ZNF44: variants seen among roughly 807,000 people sequenced by gnomAD.
ZNF44 encodes the protein zinc finger protein 44.
Under a neutral mutation model 11.7 loss-of-function variants are expected in ZNF44, and 9 were observed. The observed-to-expected ratio is 0.77, with a 90% confidence interval of 0.46 to 1.35. ZNF44 has a LOEUF of 1.35. ZNF44 is among the 40% of genes most tolerant of loss of function. The pLI is 0.00. For missense variants in ZNF44, 696 were observed against 743.1 expected (o/e 0.94, Z 0.74); for synonymous variants, 224 against 242.7 (o/e 0.92, Z 0.72).
At chr19:12,228,790 G>T (rs547312727) in intron 3 of ZNF44, among the ~76,000 whole-genome samples, 29 of 152,184 alleles carry the variant, frequency 1.9e-4, no homozygotes, top group African/African-American at 5.5e-4. Flanking sequence ...TTAGAAGTTA[G>T]GATATTAAAT....
chr19:12,292,590 C>A (rs956620097), intron 1 of ZNF44, among the ~76,000 whole-genome samples: 6 of 152,118 alleles, frequency 3.9e-5, no homozygotes, highest in African/African-American at 1.4e-4. Flanking sequence ...ATCCGCCAGC[C>A]CCACGGTGCT....
intron 5 of ZNF44, chr19:12,260,550 C>T: frequency 1.2e-6 from 1 of 819,086 alleles, no homozygotes; most frequent in African/African-American, 1.7e-5. Context: ...CCCCTGCCCC[C>T]AAAGCAATAA....
chr19:12,243,674 A>G (rs1916691233), downstream of ZNF44, among the ~76,000 whole-genome samples: 1 of 152,132 alleles, frequency 6.6e-6, no homozygotes, highest in Admixed American at 6.5e-5. Context: ...CTTTGGTCAT[A>G]TATGCATATA....
At chr19:12,238,616 G>C (rs1486014547), upstream of ZNF44, among the ~76,000 whole-genome samples, 4 of 96,382 alleles carry the variant, frequency 4.2e-5, no homozygotes, top group African/African-American at 1.8e-4. Flanking sequence ...AACAGAGAGA[G>C]ACTGTCTCAA....
intron 3 of ZNF44, among the ~76,000 whole-genome samples, chr19:12,228,103 T>G (rs2145671756): frequency 1.3e-5 from 2 of 152,230 alleles, no homozygotes; most frequent in South Asian, 4.1e-4. Context: ...CTTTAGCCAA[T>G]ATGTTTACAC....
rs1375690258 is a variant in ZNF44, at chr19:12,275,814, C to A, written c.130+142G>T. 8.5e-6 allele frequency: 9 copies of A among 1,064,876 alleles called. No individual in the cohort carries two copies. The East Asian group carries it at 2.8e-4, about 33-fold the overall frequency. 66.0% of individuals were successfully genotyped at this position (1,064,876 alleles called of 1,614,324 possible). On this transcript the variant is annotated intron_variant, in intron 2 of 3. Coordinates refer to ENST00000355684, the MANE Select transcript of ZNF44 (RefSeq NM_016264.4). ...CAAAAGATTATATGAGGACATACAA[C>A]AGGTTGGGGCCTGGCACTTCACCCT... is the stretch of plus-strand genomic sequence containing the variant.
At chr19:12,229,399 C>G (rs980802011) in intron 3 of ZNF44, among the ~76,000 whole-genome samples, 2 of 152,198 alleles carry the variant, frequency 1.3e-5, no homozygotes, top group Non-Finnish European at 2.9e-5. Context: ...ATTTGTGGTG[C>G]CTTTTCTGTT....
At chr19:12,248,720 G>T in intron 7 of ZNF44, 1 of 1,113,380 alleles carries the variant, frequency 9.0e-7, no homozygotes, top group South Asian at 1.6e-5. Flanking sequence ...ATTTTTTAAA[G>T]ATTTTCTCTT....
At chr19:12,271,579 T>A (rs1966949298), downstream of ZNF44, among the ~76,000 whole-genome samples, 1 of 152,226 alleles carries the variant, frequency 6.6e-6, no homozygotes, top group African/African-American at 2.4e-5. Flanking sequence ...ATCATTGTCA[T>A]AACCATCGTA....
intron 5 of ZNF44, among the ~76,000 whole-genome samples, chr19:12,265,850 G>C (rs1271322259): frequency 2.0e-5 from 3 of 152,212 alleles, no homozygotes; most frequent in Non-Finnish European, 2.9e-5. Context: ...GAGGGTCTTA[G>C]AAACTGCGAC....
chr19:12,256,047 A>C (rs1917243008), intron 5 of ZNF44, among the ~76,000 whole-genome samples: 1 of 134,578 alleles, frequency 7.4e-6, no homozygotes, highest in African/African-American at 3.8e-5. Context: ...CAAAAAAAAA[A>C]AAAAAAAAAA....
downstream of ZNF44, chr19:12,244,565 C>T (rs989374331): frequency 2.0e-5 from 3 of 152,660 alleles, no homozygotes; most frequent in African/African-American, 7.2e-5. Context: ...CAACTCACCA[C>T]AAGGCGAAGT....
intron 1 of ZNF44, among the ~76,000 whole-genome samples, chr19:12,282,306 G>A (rs1164702722): frequency 6.6e-6 from 1 of 152,094 alleles, no homozygotes; most frequent in African/African-American, 2.4e-5. Context: ...GAAGTCTACA[G>A]GAATCAGGTC....
chr19:12,227,946 T>G (rs1915989140), intron 3 of ZNF44, among the ~76,000 whole-genome samples: 1 of 152,230 alleles, frequency 6.6e-6, no homozygotes, highest in African/African-American at 2.4e-5. Flanking sequence ...TACTCAATTT[T>G]AATGTTTGAC....
intron 1 of ZNF44, among the ~76,000 whole-genome samples, chr19:12,236,559 C>T (rs1488691420): frequency 2.6e-5 from 4 of 152,142 alleles, no homozygotes. Context: ...AGAAACCAGG[C>T]CCATGAAATA....
At chr19:12,228,774 A>ATAAGATTAG (rs1916028621) in intron 3 of ZNF44, among the ~76,000 whole-genome samples, 1 of 152,224 alleles carries the variant, frequency 6.6e-6, no homozygotes, top group Non-Finnish European at 1.5e-5. Context: ...GCCTAAGTCC[A>ATAAGATTAG]TAAGATTAGA....
intron 1 of ZNF44, among the ~76,000 whole-genome samples, chr19:12,281,723 T>A (rs1394358759): frequency 6.6e-6 from 1 of 152,062 alleles, no homozygotes; most frequent in African/African-American, 2.4e-5. Context: ...CCATGGACAG[T>A]AAAATGACCA....
At chr19:12,284,506 G>A (rs1308399796) in intron 1 of ZNF44, 2 of 681,722 alleles carry the variant, frequency 2.9e-6, no homozygotes, top group Middle Eastern at 3.8e-4. Flanking sequence ...ACCAAGCTGG[G>A]CTGCCTGGTC....
chr19:12,229,039 G>A (rs1916042965), intron 3 of ZNF44, among the ~76,000 whole-genome samples: 1 of 152,160 alleles, frequency 6.6e-6, no homozygotes, highest in African/African-American at 2.4e-5. Flanking sequence ...TTAAAGTCAT[G>A]TGAACTGAAA....
Sources: allele counts gnomAD v4.1 joint callset (sites outside exome capture counted in the v4.1 genomes callset), GRCh38; gene constraint gnomAD v4.1.1; transcripts MANE v1.5; gene names NCBI Gene and HGNC (gene_info 2026-07-23, HGNC 2026-07-21).